Variants in PHLPP1 observed in about 807,000 individuals in gnomAD.
The protein encoded by PHLPP1 is PH domain leucine-rich repeat-containing protein phosphatase 1.
Under a neutral mutation model 117.2 loss-of-function variants are expected in PHLPP1, and 42 were observed. The observed-to-expected ratio is 0.36, with a 90% CI of 0.28 to 0.46. The LOEUF is 0.46. Among genes scored for constraint, PHLPP1 ranks in the 20% least tolerant of loss-of-function variants. The pLI is 1.00. For missense variants in PHLPP1, 2,084 were observed against 2,241.9 expected (o/e 0.93, Z 1.42); for synonymous variants, 1,042 against 970.7 (o/e 1.07, Z -1.37).
At chr18:62,900,376 T>G (rs1273713540) in intron 6 of PHLPP1, among the ~76,000 whole-genome samples, 1 of 149,980 alleles carries the variant, frequency 6.7e-6, no homozygotes, top group African/African-American at 2.4e-5. Context: ...TACATCATGG[T>G]GACTGTGGTC....
chr18:62,972,785 G>A (rs958910170), intron 15 of PHLPP1, 77 bp downstream of exon 15: 1 of 1,065,492 alleles, frequency 9.4e-7, no homozygotes, highest in Admixed American at 2.4e-5. Context: ...TAGAAAAGCA[G>A]GTGCCCAATG....
rs770812031 is a variant in PHLPP1, at chr18:62,914,954, G to A, written c.2750G>A (p.Arg917Gln). Residue 917 changes from arginine to glutamine, a missense_variant, in exon 9 of 17, where the codon CGA (arginine) becomes CAA (glutamine). Transcript: ENST00000262719. ...GTGCCTGAGTGGGTATGTGAAAGCC[G>A]AAAGCTAGAAGTTTTGGATATTGGC... ...ENVPEWVCES[R>Q]KLEVLDIGHN... The A allele has an allele frequency of 4.0e-5, 65 of 1,613,652 alleles. No individual in the cohort carries two copies. The highest frequency in any genetic ancestry group is 3.7e-4 in the African/African-American group (28 of 74,918).
chr18:62,792,371 T>A (rs1913486496), intron 1 of PHLPP1, among the ~76,000 whole-genome samples: 1 of 152,234 alleles, frequency 6.6e-6, no homozygotes, highest in African/African-American at 2.4e-5. Context: ...TTTATTCTGA[T>A]GTCCTTTTAG....
In PHLPP1 at chr18:62,896,737, A is replaced by G. The variant is rs565640804; in HGVS notation, c.2444+726A>G. On this transcript the variant is annotated intron_variant, in intron 6 of 16. Transcript: ENST00000262719. Reference sequence around the variant, plus strand: ...GCCTCAGCCTCCCAAGTACTCAGGCATGTTCAGTTTCATCAGTGTAAAGGA... The same window carrying G: ...GCCTCAGCCTCCCAAGTACTCAGGCGTGTTCAGTTTCATCAGTGTAAAGGA... Among the ~76,000 whole-genome samples the G allele has an allele frequency of 3.7e-4, 57 of 152,184 alleles. 1 individual carries two copies. Among genetic ancestry groups the G allele is most frequent in the African/African-American group, 1.3e-3 (56 of 41,526 alleles).
At chr18:62,730,835 A>G (rs965976200) in intron 1 of PHLPP1, among the ~76,000 whole-genome samples, 9 of 151,922 alleles carry the variant, frequency 5.9e-5, no homozygotes, top group African/African-American at 1.9e-4. Context: ...TGTGAGATTC[A>G]GATTTGATGA....
chr18:62,826,506 G>C (rs1335248151), intron 1 of PHLPP1, among the ~76,000 whole-genome samples: 1 of 152,032 alleles, frequency 6.6e-6, no homozygotes, highest in Non-Finnish European at 1.5e-5. Context: ...TGCTTTATAT[G>C]GTTTTTGGAC....
chr18:62,920,703 G>T (rs766939443), intron 10 of PHLPP1, among the ~76,000 whole-genome samples: 1 of 152,074 alleles, frequency 6.6e-6, no homozygotes, highest in Non-Finnish European at 1.5e-5. Flanking sequence ...GGAACTACAG[G>T]CATGTGCCAC....
At chr18:62,788,241 G>A (rs1248432933) in intron 1 of PHLPP1, among the ~76,000 whole-genome samples, 3 of 152,068 alleles carry the variant, frequency 2.0e-5, no homozygotes, top group Admixed American at 1.3e-4. Context: ...AGGTGGATCC[G>A]CTTTCACTGC....
At chr18:62,779,746 A>T (rs1016786719) in intron 1 of PHLPP1, among the ~76,000 whole-genome samples, 2 of 152,180 alleles carry the variant, frequency 1.3e-5, no homozygotes, top group African/African-American at 2.4e-5. Context: ...CATCATATCA[A>T]TTCTTTAATG....
intron 1 of PHLPP1, among the ~76,000 whole-genome samples, chr18:62,784,139 G>A (rs1444792303): frequency 6.6e-6 from 1 of 152,140 alleles, no homozygotes; most frequent in Non-Finnish European, 1.5e-5. Flanking sequence ...CTTCACATGG[G>A]GCAGACAGTG....
intron 4 of PHLPP1, among the ~76,000 whole-genome samples, chr18:62,879,640 C>T (rs141224440): frequency 0.013 from 1,937 of 152,218 alleles, 20 homozygotes; most frequent in Middle Eastern, 0.031. Flanking sequence ...GATCTCCTGA[C>T]CTCGTGATCT....
chr18:62,755,033 A>G (rs879763340), intron 1 of PHLPP1, among the ~76,000 whole-genome samples: 3 of 152,212 alleles, frequency 2.0e-5, no homozygotes, highest in South Asian at 4.1e-4. Flanking sequence ...GCTTCTTGAC[A>G]TTGACAGATT....
chr18:62,875,832 A>G (rs1916035344), intron 4 of PHLPP1, among the ~76,000 whole-genome samples: 1 of 151,878 alleles, frequency 6.6e-6, no homozygotes, highest in Non-Finnish European at 1.5e-5. Flanking sequence ...TCCTGCGTTC[A>G]AGTGATTCTC....
intron 3 of PHLPP1, among the ~76,000 whole-genome samples, chr18:62,854,667 C>A (rs1475720314): frequency 6.7e-6 from 1 of 149,964 alleles, no homozygotes; most frequent in African/African-American, 2.4e-5. Context: ...ATAGTACTGG[C>A]TCTTGTTCAA....
intron 4 of PHLPP1, among the ~76,000 whole-genome samples, chr18:62,890,457 G>A (rs1290213640): frequency 6.6e-6 from 1 of 151,922 alleles, no homozygotes; most frequent in African/African-American, 2.4e-5. Context: ...GTAGAGATGG[G>A]GTCTCACCAT....
At chr18:62,860,323 G>T (rs1359229069) in intron 3 of PHLPP1, 112 bp from the exon 4 acceptor site, 13 of 862,882 alleles carry the variant, frequency 1.5e-5, no homozygotes, top group Admixed American at 4.7e-5. Flanking sequence ...TGGACTAACA[G>T]TGCTACTTTC....
In PHLPP1 at chr18:62,716,598, C is replaced by G. The variant is rs1247683900; in HGVS notation, c.915C>G (p.Pro305=). The part of the protein sequence containing the change: ...PRAPPADLPL[P]VGGPGGWSRR... Reference sequence around the variant, plus strand: ...CGCCCCCCGCCGACCTACCCCTGCCCGTCGGCGGCCCGGGCGGGTGGTCGC... The same window carrying G: ...CGCCCCCCGCCGACCTACCCCTGCCGGTCGGCGGCCCGGGCGGGTGGTCGC... Residue 305 remains proline, a synonymous_variant, in exon 1 of 17, where the codon CCC becomes CCG. Transcript: ENST00000262719. The surrounding 1 kb of genome is among the most constrained non-coding windows in gnomAD (Gnocchi z 5.7). The G allele has an allele frequency of 3.8e-6, 5 of 1,300,660 alleles. No homozygotes were observed. Among genetic ancestry groups the G allele is most frequent in the African/African-American group, 1.6e-5 (1 of 64,230 alleles). The allele number at this position is 1,300,660 out of a possible 1,614,324, so 80.6% of individuals were successfully genotyped here.
At chr18:62,768,817 C>T (rs899061011) in intron 1 of PHLPP1, among the ~76,000 whole-genome samples, 8 of 152,058 alleles carry the variant, frequency 5.3e-5, no homozygotes, top group East Asian at 1.9e-4. Context: ...GAGCAAATAC[C>T]GGAAACTGGG....
chr18:62,859,774 ACTC>A (rs1356776883), intron 3 of PHLPP1, among the ~76,000 whole-genome samples: 1 of 152,186 alleles, frequency 6.6e-6, no homozygotes, highest in Non-Finnish European at 1.5e-5. Flanking sequence ...CAGGAATAAA[ACTC>A]CTGCATTGGA....
Sources: gnomAD v4.1 joint callset for allele counts (sites outside exome capture counted in the v4.1 genomes callset) on GRCh38, gnomAD v4.1.1 for gene constraint, Gnocchi (gnomAD v3.1) non-coding constraint, MANE v1.5 for transcripts, NCBI Gene and HGNC (gene_info 2026-07-23, HGNC 2026-07-21) for gene names.